CHRNA7: variants seen among roughly 807,000 people sequenced by gnomAD.
CHRNA7 encodes the protein neuronal acetylcholine receptor subunit alpha-7.
A neutral mutation model predicts 48.0 loss-of-function variants in CHRNA7; 17 were observed. That is an observed-to-expected ratio of 0.35 (90% confidence interval 0.24 to 0.53). The LOEUF is 0.53. Among genes scored for constraint, CHRNA7 ranks in the 20% least tolerant of loss-of-function variants. The probability of loss-of-function intolerance (pLI) is 0.92; values close to 1 mark genes in which losing one functional copy is unlikely to be tolerated. For synonymous variants in CHRNA7, 75 were observed against 242.3 expected (o/e 0.31, Z 6.41); for missense variants, 155 against 577.7 (o/e 0.27, Z 7.50).
At chr15:32,104,794 G>A (rs780260088) in intron 3 of CHRNA7, among the ~76,000 whole-genome samples, 17 of 152,294 alleles carry the variant, frequency 1.1e-4, no homozygotes, top group Middle Eastern at 3.4e-3. Context: ...GCCAGGCTCC[G>A]GAGAATGAGG....
At chr15:32,099,099 A>T (rs1283856832) in intron 2 of CHRNA7, 1 of 152,242 alleles carries the variant, frequency 6.6e-6, no homozygotes, top group Non-Finnish European at 1.5e-5. Context: ...TGGGCAGTGC[A>T]GTTGGAGGAG....
chr15:32,147,595 TC>T (rs2051519220), intron 4 of CHRNA7, among the ~76,000 whole-genome samples: 1 of 152,144 alleles, frequency 6.6e-6, no homozygotes, highest in South Asian at 2.1e-4. Flanking sequence ...GTAAATATTT[TC>T]TTTTTTTAAA....
intron 4 of CHRNA7, among the ~76,000 whole-genome samples, chr15:32,131,310 C>A (rs576620140): frequency 1.3e-5 from 2 of 152,182 alleles, no homozygotes; most frequent in South Asian, 4.1e-4. Context: ...TCTCATGACA[C>A]AAATATCAGA....
At chr15:32,136,679 C>CATTA (rs1469258044) in intron 4 of CHRNA7, among the ~76,000 whole-genome samples, 5 of 152,050 alleles carry the variant, frequency 3.3e-5, no homozygotes, top group Admixed American at 3.3e-4. Flanking sequence ...AGACCAGACA[C>CATTA]ATTAAGAATA....
chr15:32,064,234 T>C (rs940008565), intron 2 of CHRNA7, among the ~76,000 whole-genome samples: 1 of 152,100 alleles, frequency 6.6e-6, no homozygotes, highest in African/African-American at 2.4e-5. Flanking sequence ...TCTTCTTCTT[T>C]CTTCCTCCCC....
At chr15:32,141,596 A>C (rs77015915) in intron 4 of CHRNA7, among the ~76,000 whole-genome samples, 62,283 of 151,422 alleles carry the variant, frequency 0.41, 13,084 homozygotes, top group African/African-American at 0.52. Context: ...CTTTTATTTC[A>C]TTGAGCAGTG....
chr15:32,112,470 G>A (rs889398365), intron 4 of CHRNA7: 23 of 402,446 alleles, frequency 5.7e-5, no homozygotes, highest in Middle Eastern at 1.2e-3. Context: ...TAAGGGACAC[G>A]TCGGTAAACC....
chr15:32,068,574 A>G (rs951625680), intron 2 of CHRNA7, among the ~76,000 whole-genome samples: 1 of 151,992 alleles, frequency 6.6e-6, no homozygotes, highest in Non-Finnish European at 1.5e-5. Flanking sequence ...AAGCATTACT[A>G]CATCTCTACA....
chr15:32,137,036 A>T lies in CHRNA7; in HGVS notation c.351-16871A>T, dbSNP rs796729530. Reference sequence around the variant, plus strand: ...GACAGAGCGAGACTCCGTCTCAAAAAAAAAAAAAAAGAAAAAAAAAAGAAA... The same window carrying T: ...GACAGAGCGAGACTCCGTCTCAAAATAAAAAAAAAAGAAAAAAAAAAGAAA... On this transcript the variant is annotated intron_variant, in intron 4 of 9. Transcript: ENST00000306901. 9.9e-4 allele frequency among the ~76,000 whole-genome samples: 146 copies of T among 147,682 alleles called. No homozygotes were observed. In the South Asian group the frequency reaches 0.029, roughly 30 times the overall value.
intron 4 of CHRNA7, among the ~76,000 whole-genome samples, chr15:32,125,423 C>A (rs1420493878): frequency 6.6e-6 from 1 of 152,196 alleles, no homozygotes; most frequent in Non-Finnish European, 1.5e-5. Flanking sequence ...GCAGCTGGGC[C>A]ATGTGTTGGA....
intron 4 of CHRNA7, among the ~76,000 whole-genome samples, chr15:32,125,110 A>C (rs2051043081): frequency 6.6e-6 from 1 of 152,214 alleles, no homozygotes; most frequent in African/African-American, 2.4e-5. Context: ...GAAAGAAAAA[A>C]CACTATCATT....
chr15:32,110,352 C>T (rs1215209767), intron 3 of CHRNA7, among the ~76,000 whole-genome samples: 2 of 152,322 alleles, frequency 1.3e-5, no homozygotes, highest in Non-Finnish European at 2.9e-5. Context: ...CTCCTGTCCC[C>T]TCCCCAACCA....
Position 32,149,588 on chromosome 15 carries a change from G to A in CHRNA7, c.351-4319G>A, listed in dbSNP as rs1410968156. Among the ~76,000 whole-genome samples, 1 of 152,136 alleles carries A rather than the reference G, an allele frequency of 6.6e-6. No individual in the cohort carries two copies. The highest frequency in any genetic ancestry group is 1.5e-5 in the Non-Finnish European group (1 of 68,028). On this transcript the variant is annotated intron_variant, in intron 4 of 9. Transcript: ENST00000306901. The surrounding 1 kb of genome is among the most constrained non-coding windows in gnomAD (Gnocchi z 4.6). ...TTACAAGAGTTTACTTTTATACTAT[G>A]TACTTATAAAATCAATTTGCCTATG...
chr15:32,128,409 T>C (rs1160836735), intron 4 of CHRNA7, among the ~76,000 whole-genome samples: 1 of 151,952 alleles, frequency 6.6e-6, no homozygotes, highest in South Asian at 2.1e-4. Flanking sequence ...TTCCAATCCA[T>C]GATCATGGTA....
intron 3 of CHRNA7, among the ~76,000 whole-genome samples, chr15:32,108,456 C>T (rs57314886): frequency 0.013 from 2,040 of 152,304 alleles, 39 homozygotes; most frequent in African/African-American, 0.046. Flanking sequence ...GTCTGATGCC[C>T]CCTGTTCCCG....
chr15:32,062,116 T>A (rs942141061), intron 2 of CHRNA7, among the ~76,000 whole-genome samples: 8 of 152,212 alleles, frequency 5.3e-5, no homozygotes, highest in African/African-American at 1.9e-4. Context: ...GCTGTTTCTT[T>A]GAGATTTACG....
At chr15:32,120,722 C>G (rs564426393) in intron 4 of CHRNA7, among the ~76,000 whole-genome samples, 3 of 152,154 alleles carry the variant, frequency 2.0e-5, no homozygotes, top group African/African-American at 7.2e-5. Flanking sequence ...GGCAACGGGC[C>G]AGTCCACGGA....
chr15:32,133,095 C>T lies in CHRNA7; in HGVS notation c.351-20812C>T, dbSNP rs539441353. 3.9e-4 allele frequency among the ~76,000 whole-genome samples: 60 copies of T among 152,284 alleles called. 1 individual carries two copies. The highest frequency in any genetic ancestry group is 1.3e-3 in the African/African-American group (56 of 41,574). ...GCAGGGTGCAATGTTGTTCCCTTCACCTTTGTGTCTCCAAGTGACCCTTTC... is the reference window on the plus strand; with the variant it reads ...GCAGGGTGCAATGTTGTTCCCTTCATCTTTGTGTCTCCAAGTGACCCTTTC... On this transcript the variant is annotated intron_variant, in intron 4 of 9. Coordinates refer to ENST00000306901, the MANE Select transcript of CHRNA7 (RefSeq NM_000746.6).
intron 3 of CHRNA7, among the ~76,000 whole-genome samples, chr15:32,107,780 C>A (rs1412074222): frequency 6.6e-6 from 1 of 152,124 alleles, no homozygotes; most frequent in African/African-American, 2.4e-5. Flanking sequence ...TTTCTCACCC[C>A]TCCCCAGAGC....
Sources: allele counts gnomAD v4.1 joint callset (sites outside exome capture counted in the v4.1 genomes callset), GRCh38; gene constraint gnomAD v4.1.1; non-coding constraint Gnocchi (gnomAD v3.1); transcripts MANE v1.5; gene names NCBI Gene and HGNC (gene_info 2026-07-23, HGNC 2026-07-21).